Variants in IL1RAPL2 observed in about 807,000 individuals in gnomAD.
The protein encoded by IL1RAPL2 is interleukin 1 receptor accessory protein like 2.
In IL1RAPL2, 3 loss-of-function variants were observed where a neutral mutation model predicts 44.1. The observed-to-expected ratio is 0.07, with a 90% CI of 0.03 to 0.18. The LOEUF (loss-of-function observed/expected upper bound fraction) is 0.18, where lower values mean the gene tolerates loss of function less well. Among genes scored for constraint, IL1RAPL2 ranks in the 10% least tolerant of loss-of-function variants. The pLI is 1.00. For missense variants in IL1RAPL2, 391 were observed against 496.4 expected, an observed-to-expected ratio of 0.79 and a Z score of 2.02; for synonymous variants, 181 against 178.8, an observed-to-expected ratio of 1.01 and a Z score of -0.10.
intron 2 of IL1RAPL2, among the ~76,000 whole-genome samples, chrX:105,130,586 A>G (rs2033017692): frequency 9.0e-6 from 1 of 111,192 alleles, no homozygotes; most frequent in African/African-American, 3.3e-5. Context: ...GTCCTATACT[A>G]CATGCCTTAG....
At chrX:105,116,121 G>A (rs1369851462) in intron 2 of IL1RAPL2, among the ~76,000 whole-genome samples, 3 of 112,260 alleles carry the variant, frequency 2.7e-5, no homozygotes, top group South Asian at 3.7e-4. Context: ...GAGGGAAGCC[G>A]GCTCTGGCCT....
intron 5 of IL1RAPL2, among the ~76,000 whole-genome samples, chrX:105,465,997 A>G (rs1361947536): frequency 2.7e-5 from 3 of 111,436 alleles, no homozygotes; most frequent in Non-Finnish European, 3.8e-5. Context: ...TGTTGCACGT[A>G]TATCTTCTAA....
intron 2 of IL1RAPL2, among the ~76,000 whole-genome samples, chrX:104,701,443 C>T (rs376994794): frequency 4.5e-5 from 5 of 110,921 alleles, no homozygotes; most frequent in African/African-American, 1.3e-4. Context: ...TTGAGTATCC[C>T]GTACCCCAAA....
intron 1 of IL1RAPL2, among the ~76,000 whole-genome samples, chrX:104,634,464 A>G (rs1929742780): frequency 9.0e-6 from 1 of 110,919 alleles, no homozygotes; most frequent in Non-Finnish European, 1.9e-5. Context: ...TCCCATTATT[A>G]TTGTGTGGGA....
At chrX:104,818,137 A>G (rs1921190172) in intron 2 of IL1RAPL2, among the ~76,000 whole-genome samples, 1 of 109,607 alleles carries the variant, frequency 9.1e-6, no homozygotes, top group African/African-American at 3.3e-5. Context: ...CGGGAGGATC[A>G]TGAGGTCAGG....
intron 9 of IL1RAPL2, among the ~76,000 whole-genome samples, chrX:105,749,873 T>C (rs2036902122): frequency 8.9e-6 from 1 of 111,834 alleles, no homozygotes; most frequent in African/African-American, 3.2e-5. Flanking sequence ...AAAGTTCTCA[T>C]CCCGAAACTG....
chrX:104,971,118 C>T (rs1172722977), intron 2 of IL1RAPL2, among the ~76,000 whole-genome samples: 8 of 111,667 alleles, frequency 7.2e-5, no homozygotes, highest in African/African-American at 9.8e-5. Flanking sequence ...GAGGCTGAGG[C>T]GGGAGGATCA....
At chrX:105,168,454 C>T (rs1455475950) in intron 2 of IL1RAPL2, among the ~76,000 whole-genome samples, 13 of 83,709 alleles carry the variant, frequency 1.6e-4, no homozygotes, top group African/African-American at 7.7e-4. Context: ...TGTGTGTGTG[C>T]ACGTGCATGT....
At chrX:105,549,270 GATTA>G (rs1354481921) in intron 6 of IL1RAPL2, among the ~76,000 whole-genome samples, 1 of 112,143 alleles carries the variant, frequency 8.9e-6, no homozygotes, top group Non-Finnish European at 1.9e-5. Context: ...CAGCAACAAA[GATTA>G]ATTCTTTAAA....
intron 6 of IL1RAPL2, among the ~76,000 whole-genome samples, chrX:105,670,142 T>TATAAAA (rs1556379307): frequency 3.8e-5 from 2 of 52,985 alleles, no homozygotes; most frequent in African/African-American, 1.5e-4. Context: ...TATATATATA[T>TATAAAA]ATATATCTCC....
At chrX:105,007,807 A>G (rs2030968297) in intron 2 of IL1RAPL2, among the ~76,000 whole-genome samples, 1 of 113,872 alleles carries the variant, frequency 8.8e-6, no homozygotes, top group African/African-American at 3.2e-5. Context: ...TAATGTAGAT[A>G]TACTACAAAG....
intron 4 of IL1RAPL2, among the ~76,000 whole-genome samples, chrX:105,244,659 G>A (rs7882670): frequency 0.02 from 2,264 of 111,788 alleles, 60 homozygotes; most frequent in African/African-American, 0.07. Flanking sequence ...TACCTCACTT[G>A]GTCATTCAAT....
At chrX:104,976,378 G>A (rs995884319) in intron 2 of IL1RAPL2, among the ~76,000 whole-genome samples, 2 of 111,800 alleles carry the variant, frequency 1.8e-5, no homozygotes, top group Non-Finnish European at 1.9e-5. Flanking sequence ...CTAAGTATAG[G>A]TAGTAAGGTG....
intron 2 of IL1RAPL2, among the ~76,000 whole-genome samples, chrX:104,758,345 T>A (rs1012294603): frequency 9.0e-6 from 1 of 111,389 alleles, no homozygotes; most frequent in Non-Finnish European, 1.9e-5. Flanking sequence ...CATGTTGAGT[T>A]TTAAAGATCA....
chrX:105,160,142 A>G (rs4826915), intron 2 of IL1RAPL2, among the ~76,000 whole-genome samples: 57,227 of 109,374 alleles, frequency 0.52, 13,063 homozygotes, highest in East Asian at 0.75. Context: ...AGCCTTCACC[A>G]ACTTTTGTTG....
intron 4 of IL1RAPL2, among the ~76,000 whole-genome samples, chrX:105,265,006 C>T (rs2034391035): frequency 8.9e-6 from 1 of 112,242 alleles, no homozygotes; most frequent in South Asian, 3.6e-4. Context: ...TATAAAGATT[C>T]CAAGCTGTTC....
At chrX:104,955,588 C>T (rs1324468536) in intron 2 of IL1RAPL2, among the ~76,000 whole-genome samples, 1 of 107,976 alleles carries the variant, frequency 9.3e-6, no homozygotes, top group Non-Finnish European at 1.9e-5. Context: ...AAAATACTCC[C>T]CATTCTCAGT....
chrX:105,396,800 G>A (rs936576239), intron 5 of IL1RAPL2, among the ~76,000 whole-genome samples: 5 of 110,106 alleles, frequency 4.5e-5, no homozygotes, highest in African/African-American at 1.3e-4. Flanking sequence ...GTTGAATGCC[G>A]TAGATAGGTC....
rs2038080642 is a variant in IL1RAPL2 at position 105,696,928 on chromosome X, T to C, written c.773-20439T>C. 3.6e-5 allele frequency among the ~76,000 whole-genome samples: 4 copies of C among 111,560 alleles called. No homozygotes were observed. In the South Asian group the frequency reaches 1.5e-3, roughly 42 times the overall value. ...AAAATAAGTTTATTTGGCTCATGGT[T>C]CTGCAGGCTGTAAAAGCATAGCACC... On this transcript the variant is annotated intron_variant, in intron 6 of 10. Transcript: ENST00000372582.
Sources: allele counts gnomAD v4.1 joint callset (sites outside exome capture counted in the v4.1 genomes callset), GRCh38; gene constraint gnomAD v4.1.1; transcripts MANE v1.5; gene names NCBI Gene and HGNC (gene_info 2026-07-23, HGNC 2026-07-21).